The following CLVS1 variants were observed in gnomAD, a reference collection of about 807,000 sequenced individuals.
CLVS1 encodes clavesin-1.
CLVS1 carries 10 observed loss-of-function variants against 33.1 expected under a neutral mutation model. That is an observed-to-expected ratio of 0.30 (90% CI 0.19 to 0.51). The LOEUF is 0.51. Among genes scored for constraint, CLVS1 ranks in the 20% least tolerant of loss-of-function variants. The pLI is 0.97. For synonymous variants in CLVS1, 163 were observed against 166.1 expected (o/e 0.98, Z 0.14); for missense variants, 343 against 433.4 (o/e 0.79, Z 1.85).
At chr8:61,057,348 G>A (rs1018193948) in intron 1 of CLVS1, 5 of 149,134 alleles carry the variant, frequency 3.4e-5, no homozygotes, top group Non-Finnish European at 7.4e-5. Context: ...GATTGAGCCT[G>A]GCTAAGCTTA....
chr8:61,040,981 C>T, the CLVS1 span, among the ~76,000 whole-genome samples: 1 of 151,700 alleles, frequency 6.6e-6, no homozygotes, highest in Non-Finnish European at 1.5e-5. Flanking sequence ...AAATTTAAAT[C>T]TTTAATCCAT....
At chr8:61,249,311 G>A (rs1201353395) in intron 2 of CLVS1, among the ~76,000 whole-genome samples, 9 of 151,932 alleles carry the variant, frequency 5.9e-5, no homozygotes, top group Non-Finnish European at 1.2e-4. Flanking sequence ...TTCTTTATCC[G>A]GTCTATCACT....
intron 2 of CLVS1, chr8:61,202,697 T>A (rs1039242620): frequency 5.1e-5 from 79 of 1,557,124 alleles, no homozygotes; most frequent in Non-Finnish European, 6.2e-5. Context: ...GGACAGCACT[T>A]AGTAGCTGTG....
intron 2 of CLVS1, among the ~76,000 whole-genome samples, chr8:61,215,320 T>A (rs1267528678): frequency 6.6e-6 from 1 of 152,198 alleles, no homozygotes; most frequent in African/African-American, 2.4e-5. Context: ...ATGGGCTATA[T>A]AAAAGTAGCA....
At chr8:61,389,644 GTCACGTA>G (rs1814222952) in intron 3 of CLVS1, among the ~76,000 whole-genome samples, 1 of 152,170 alleles carries the variant, frequency 6.6e-6, no homozygotes, top group South Asian at 2.1e-4. Context: ...GCCATTTAGA[GTCACGTA>G]TCTTAGTAGC....
chr8:61,462,163 G>A (rs1226887648), intron 5 of CLVS1, among the ~76,000 whole-genome samples: 2 of 152,180 alleles, frequency 1.3e-5, no homozygotes, highest in African/African-American at 4.8e-5. Context: ...TATGGAAAAG[G>A]AGGAGTAACA....
At chr8:60,984,965 T>C in the CLVS1 span, among the ~76,000 whole-genome samples, 1 of 152,186 alleles carries the variant, frequency 6.6e-6, no homozygotes, top group African/African-American at 2.4e-5. Flanking sequence ...GTAAGTGTTC[T>C]GTAAGCCTCT....
At chr8:61,014,401 C>T in the CLVS1 span, among the ~76,000 whole-genome samples, 3 of 152,132 alleles carry the variant, frequency 2.0e-5, no homozygotes, top group Non-Finnish European at 1.5e-5. Flanking sequence ...CATTTCATTT[C>T]CTTTTATCAA....
intron 2 of CLVS1, among the ~76,000 whole-genome samples, chr8:61,354,856 T>A (rs1023610318): frequency 6.6e-6 from 1 of 152,134 alleles, no homozygotes; most frequent in Non-Finnish European, 1.5e-5. Flanking sequence ...ACATGTAGGG[T>A]CTTTGTTGGG....
intron 3 of CLVS1, among the ~76,000 whole-genome samples, chr8:61,419,863 A>G (rs920660422): frequency 2.6e-5 from 4 of 152,252 alleles, no homozygotes; most frequent in Admixed American, 6.5e-5. Context: ...CAAAGGGTCC[A>G]AGACTGACTT....
chr8:61,490,889 A>G (rs1238818295), intron 5 of CLVS1, among the ~76,000 whole-genome samples: 3 of 144,014 alleles, frequency 2.1e-5, no homozygotes, highest in African/African-American at 7.8e-5. Flanking sequence ...TGAACCTGGA[A>G]GGCAGAGGTT....
At chr8:61,485,537 C>T (rs942264669) in intron 5 of CLVS1, among the ~76,000 whole-genome samples, 9 of 152,172 alleles carry the variant, frequency 5.9e-5, no homozygotes, top group Non-Finnish European at 1.2e-4. Flanking sequence ...GGCAGTGTGG[C>T]GATTCTTTGA....
intron 3 of CLVS1, among the ~76,000 whole-genome samples, chr8:61,429,399 GAC>G (rs1387994564): frequency 1.6e-5 from 2 of 128,668 alleles, no homozygotes; most frequent in Non-Finnish European, 3.1e-5. Flanking sequence ...TAGCCTAGGT[GAC>G]ACAGTGAGAC....
At chr8:61,255,278 G>A (rs370709632) in intron 2 of CLVS1, among the ~76,000 whole-genome samples, 1 of 148,654 alleles carries the variant, frequency 6.7e-6, no homozygotes, top group Non-Finnish European at 1.5e-5. Flanking sequence ...TGAATTAACA[G>A]TAATGCTAAA....
intron 1 of CLVS1, among the ~76,000 whole-genome samples, chr8:61,065,912 A>G (rs2129279010): frequency 6.6e-6 from 1 of 152,366 alleles, no homozygotes; most frequent in South Asian, 2.1e-4. Flanking sequence ...ACCAGGCAGT[A>G]GATCAATACA....
At chr8:61,221,808 T>C (rs1808224195) in intron 2 of CLVS1, among the ~76,000 whole-genome samples, 1 of 152,226 alleles carries the variant, frequency 6.6e-6, no homozygotes, top group Non-Finnish European at 1.5e-5. Flanking sequence ...TGAATCCATC[T>C]AATCCTGGGA....
the CLVS1 span, among the ~76,000 whole-genome samples, chr8:61,008,680 C>G: frequency 1.3e-5 from 2 of 151,994 alleles, no homozygotes; most frequent in Non-Finnish European, 2.9e-5. Context: ...TTTCTATCTT[C>G]AAGGAAGAAA....
the CLVS1 span, among the ~76,000 whole-genome samples, chr8:61,038,437 G>GTA: frequency 0.027 from 3,791 of 142,622 alleles, 107 homozygotes; most frequent in African/African-American, 0.075. Flanking sequence ...CCTGTCGTTT[G>GTA]TATATATATA....
At chr8:61,072,995 A>G (rs1432118976) in intron 1 of CLVS1, among the ~76,000 whole-genome samples, 1 of 152,126 alleles carries the variant, frequency 6.6e-6, no homozygotes, top group East Asian at 1.9e-4. Context: ...CAGTAGTTTT[A>G]ACACTTTCTC....
Sources: allele counts gnomAD v4.1 joint callset (sites outside exome capture counted in the v4.1 genomes callset), GRCh38; gene constraint gnomAD v4.1.1; transcripts MANE v1.5; gene names NCBI Gene and HGNC (gene_info 2026-07-23, HGNC 2026-07-21).